PDZRN4: variants seen among roughly 807,000 people sequenced by gnomAD.
The protein encoded by PDZRN4 is PDZ domain-containing RING finger protein 4.
PDZRN4 carries 70 observed loss-of-function variants against 99.0 expected under a neutral mutation model. The ratio of observed to expected loss-of-function variants is 0.71; its 90% confidence interval spans 0.58 to 0.86. The LOEUF is 0.86. Ranked by LOEUF, PDZRN4 falls within the 40% of genes least tolerant of loss-of-function variation. PDZRN4 has a pLI of 0.00. For synonymous variants in PDZRN4, 551 were observed against 501.6 expected (o/e 1.10, Z -1.32); for missense variants, 1,474 against 1,331.2 (o/e 1.11, Z -1.67).
In PDZRN4 at chr12:41,333,410, A is replaced by G. The variant is rs542053084; in HGVS notation, c.843+139222A>G. Reference sequence around the variant, plus strand: ...TCTGTTTTGCTTGGTGAAATTCAAAATGATGGAACAGACTGCTTGCTCCAT... The same window carrying G: ...TCTGTTTTGCTTGGTGAAATTCAAAGTGATGGAACAGACTGCTTGCTCCAT... On this transcript the variant is annotated intron_variant, in intron 3 of 9. Transcript: ENST00000402685. Among the ~76,000 whole-genome samples the G allele has an allele frequency of 4.6e-5, 7 of 152,194 alleles. No homozygotes were observed. The East Asian group carries it at 1.2e-3, about 25-fold the overall frequency.
chr12:41,328,700 C>T lies in PDZRN4; in HGVS notation c.843+134512C>T, dbSNP rs377144446. ...AGCATGGAGGATGGTGCTGCTTTCACTGATAGACTTAATATTTCCATACAG... is the reference window on the plus strand; with the variant it reads ...AGCATGGAGGATGGTGCTGCTTTCATTGATAGACTTAATATTTCCATACAG... On this transcript the variant is annotated intron_variant, in intron 3 of 9. Coordinates refer to ENST00000402685, the MANE Select transcript of PDZRN4 (RefSeq NM_001164595.2). Among the ~76,000 whole-genome samples, 10 of 152,236 alleles carry T rather than the reference C, an allele frequency of 6.6e-5. No homozygotes were observed. In the East Asian group the frequency reaches 1.5e-3, roughly 24 times the overall value.
intron 3 of PDZRN4, among the ~76,000 whole-genome samples, chr12:41,200,024 T>C (rs1419996766): frequency 1.3e-5 from 2 of 152,096 alleles, no homozygotes; most frequent in Non-Finnish European, 2.9e-5. Flanking sequence ...AAATAACAAA[T>C]ACATTTTAAA....
At position 41,445,059 on chromosome 12, in the gene PDZRN4, T is replaced by C. The variant is rs560552652; in HGVS notation, c.844-61397T>C. On this transcript the variant is annotated intron_variant, in intron 3 of 9. Transcript: ENST00000402685. ...TAAAAATATATAACTTCTTTATATTTTCACTGTTTAATTGACACAGACCTA... is the reference window on the plus strand; with the variant it reads ...TAAAAATATATAACTTCTTTATATTCTCACTGTTTAATTGACACAGACCTA... 2.8e-4 allele frequency among the ~76,000 whole-genome samples: 43 copies of C among 152,158 alleles called. 1 individual carries two copies. In the South Asian group the frequency reaches 8.7e-3, roughly 31 times the overall value.
intron 3 of PDZRN4, among the ~76,000 whole-genome samples, chr12:41,282,559 C>T (rs1486302973): frequency 6.6e-6 from 1 of 152,200 alleles, no homozygotes; most frequent in Non-Finnish European, 1.5e-5. Flanking sequence ...CCAAAATCAA[C>T]AGAATATGCA....
At chr12:41,508,860 A>G (rs1055358085) in intron 4 of PDZRN4, among the ~76,000 whole-genome samples, 1 of 151,986 alleles carries the variant, frequency 6.6e-6, no homozygotes. Flanking sequence ...TGATACTGCT[A>G]TCTCCAATTT....
chr12:41,505,543 C>G (rs1938190783), intron 3 of PDZRN4, among the ~76,000 whole-genome samples: 1 of 152,076 alleles, frequency 6.6e-6, no homozygotes, highest in Non-Finnish European at 1.5e-5. Flanking sequence ...GTTTTGGGAA[C>G]CACAGAGGTT....
chr12:41,409,641 T>C (rs1026546602), intron 3 of PDZRN4: 3 of 152,208 alleles, frequency 2.0e-5, no homozygotes, highest in African/African-American at 7.2e-5. Flanking sequence ...TTTAAATATA[T>C]ATTTTTCAAT....
intron 3 of PDZRN4, among the ~76,000 whole-genome samples, chr12:41,263,873 C>T (rs150882553): frequency 7.2e-4 from 109 of 152,226 alleles, no homozygotes; most frequent in Middle Eastern, 3.4e-3. Flanking sequence ...GAGGCTCCTC[C>T]TTTCCCCTTG....
In PDZRN4 at chr12:41,573,825, C is replaced by T. The variant is rs1424432376; in HGVS notation, c.3046C>T (p.His1016Tyr). 6.2e-7 allele frequency: 1 copy of T among 1,609,362 alleles called. No homozygotes were observed. Among genetic ancestry groups the T allele is most frequent in the Admixed American group, 1.7e-5 (1 of 59,320 alleles). ...NWMTIQELMT[H>Y]GAKSPDGTRV... is the part of the protein sequence containing the mutation. The stretch of plus-strand genomic sequence containing the variant: ...GATGACAATCCAAGAACTGATGACC[C>T]ATGGGGCCAAGTCTCCAGATGGCAC... The change falls in exon 10 of 10, where the codon CAT becomes TAT. Residue 1016 changes from histidine to tyrosine, a missense_variant. Physicochemically the swap from His to Tyr is moderately conservative, Grantham distance 83. Transcript: ENST00000402685.
chr12:41,363,012 C>A (rs540567541), intron 3 of PDZRN4, among the ~76,000 whole-genome samples: 4 of 152,186 alleles, frequency 2.6e-5, no homozygotes, highest in South Asian at 4.1e-4. Flanking sequence ...GGCCTTAGGG[C>A]ACCTGTTAGT....
chr12:41,361,371 C>T (rs1275825677), intron 3 of PDZRN4, among the ~76,000 whole-genome samples: 1 of 151,952 alleles, frequency 6.6e-6, no homozygotes, highest in African/African-American at 2.4e-5. Context: ...GCCTAAACTC[C>T]ACTTTTAATT....
chr12:41,253,472 T>A (rs1951184547), intron 3 of PDZRN4, among the ~76,000 whole-genome samples: 1 of 152,066 alleles, frequency 6.6e-6, no homozygotes, highest in Non-Finnish European at 1.5e-5. Context: ...ATGGCTTCTA[T>A]CAAAAAAACA....
chr12:41,222,606 C>T (rs1449017301), intron 3 of PDZRN4, among the ~76,000 whole-genome samples: 8 of 152,120 alleles, frequency 5.3e-5, no homozygotes, highest in Non-Finnish European at 1.0e-4. Flanking sequence ...GCAACCTCCA[C>T]CTCCCGGGTT....
chr12:41,188,759 G>T lies in PDZRN4; in HGVS notation c.304G>T (p.Glu102Ter), dbSNP rs747704716. Residue 102 changes from glutamate (E) to a stop codon, truncating the protein, a stop_gained, in exon 1 of 10, where the codon GAG becomes TAG. Transcript: ENST00000402685. LOFTEE classifies it high-confidence loss of function. ...GCTGCACGAGCTGGAGGCGCACGTCGAGCACTGCGACTTCGGCCCTGCCCG... is the reference window on the plus strand; with the variant it reads ...GCTGCACGAGCTGGAGGCGCACGTCTAGCACTGCGACTTCGGCCCTGCCCG... Reference protein sequence around the residue: ...VRLHELEAHVEHCDFGPARRL... With the variant: ...VRLHELEAHV The T allele has an allele frequency of 3.6e-5, 52 of 1,461,048 alleles. No homozygotes were observed. The highest frequency in any genetic ancestry group is 1.7e-4 in the East Asian group (6 of 36,008). 90.5% of individuals were successfully genotyped at this position (1,461,048 alleles called of 1,614,324 possible). A position where few individuals can be genotyped will look rare whatever the true frequency, so the allele number is the denominator to read the frequency against.
At chr12:41,301,737 G>T (rs2120931541) in intron 3 of PDZRN4, among the ~76,000 whole-genome samples, 1 of 150,176 alleles carries the variant, frequency 6.7e-6, no homozygotes, top group African/African-American at 2.5e-5. Context: ...TTAGTTAGTG[G>T]CTGGCAGAAT....
Position 41,573,941 on chromosome 12 carries a change from C to T in PDZRN4, c.*51C>T, listed in dbSNP as rs150535625. The T allele has an allele frequency of 1.8e-4, 241 of 1,310,266 alleles. 3 individuals carry two copies. The African/African-American group carries it at 3.2e-3, about 18-fold the overall frequency. The allele number at this position is 1,310,266 out of a possible 1,614,324, so 81.2% of individuals were successfully genotyped here. On this transcript the variant is annotated 3_prime_UTR_variant, in exon 10 of 10. Coordinates refer to ENST00000402685, the MANE Select transcript of PDZRN4 (RefSeq NM_001164595.2). Reference sequence around the variant, plus strand: ...GATTTTAGGAGGATGCTACCAGTTTCGGTAGAGTATGATTGCCTCGTTCAA... The same window carrying T: ...GATTTTAGGAGGATGCTACCAGTTTTGGTAGAGTATGATTGCCTCGTTCAA...
intron 3 of PDZRN4, among the ~76,000 whole-genome samples, chr12:41,346,715 A>G (rs1951857557): frequency 6.6e-6 from 1 of 152,118 alleles, no homozygotes; most frequent in South Asian, 2.1e-4. Flanking sequence ...ATGCAATTCA[A>G]TGGTTTTGGA....
At chr12:41,232,507 A>T (rs377004253) in intron 3 of PDZRN4, among the ~76,000 whole-genome samples, 3 of 152,102 alleles carry the variant, frequency 2.0e-5, no homozygotes, top group African/African-American at 7.2e-5. Flanking sequence ...AGTTTCTCTT[A>T]TCCTTACATG....
intron 3 of PDZRN4, among the ~76,000 whole-genome samples, chr12:41,207,722 T>G (rs1306509002): frequency 6.6e-6 from 1 of 151,822 alleles, no homozygotes; most frequent in African/African-American, 2.4e-5. Context: ...ACAAACACAT[T>G]GGTGCAATTA....
Sources: allele counts gnomAD v4.1 joint callset (sites outside exome capture counted in the v4.1 genomes callset), GRCh38; gene constraint gnomAD v4.1.1; transcripts MANE v1.5; gene names NCBI Gene and HGNC (gene_info 2026-07-23, HGNC 2026-07-21).